Variants in ACTN4 observed in about 807,000 individuals in gnomAD.
ACTN4 encodes the protein actinin alpha 4.
In ACTN4, 18 loss-of-function variants were observed where a neutral mutation model predicts 114.2. That is an observed-to-expected ratio of 0.16 (90% CI 0.11 to 0.23). The LOEUF (loss-of-function observed/expected upper bound fraction) is 0.23, where lower values mean the gene tolerates loss of function less well. Ranked by LOEUF, ACTN4 falls within the 10% of genes least tolerant of loss-of-function variation. The pLI, the probability that ACTN4 is intolerant of heterozygous loss-of-function variation, is 1.00. For missense variants in ACTN4, 722 were observed against 1,262.9 expected (o/e 0.57, Z 6.49); for synonymous variants, 515 against 506.3 (o/e 1.02, Z -0.23).
intron 1 of ACTN4, among the ~76,000 whole-genome samples, chr19:38,664,815 T>C (rs1966906449): frequency 6.6e-6 from 1 of 152,072 alleles, no homozygotes; most frequent in Non-Finnish European, 1.5e-5. Context: ...GCATAGATGA[T>C]AAGGAGGTGG....
Position 38,717,428 on chromosome 19 carries a change from GACATGGC to G in ACTN4, c.1143+114_1143+120del, listed in dbSNP as rs1968879022. 1 of 1,404,076 alleles carries G rather than the reference GACATGGC, an allele frequency of 7.1e-7. No homozygotes were observed. The highest frequency in any genetic ancestry group is 9.7e-7 in the Non-Finnish European group (1 of 1,026,104). 87.0% of individuals were successfully genotyped at this position (1,404,076 alleles called of 1,614,324 possible). A position where few individuals can be genotyped will look rare whatever the true frequency, so the allele number is the denominator to read the frequency against. The stretch of plus-strand genomic sequence containing the variant: ...TTCCTAAGTTGTTGATGTCCTGTGG[GACATGGC>G]ATGGCCTTTCGGATGCAGTGGTCGG... On this transcript the variant is annotated intron_variant, in intron 10 of 20. Transcript: ENST00000252699. The surrounding 1 kb of genome is among the most constrained non-coding windows in gnomAD (Gnocchi z 4.0).
intron 2 of ACTN4, 136 bp from the exon 3 acceptor site, chr19:38,700,866 C>T (rs1266127395): frequency 7.1e-7 from 1 of 1,417,348 alleles, no homozygotes; most frequent in African/African-American, 1.4e-5. Context: ...TGGGTGGGGC[C>T]AGAGTGGCCT....
At chr19:38,656,950 T>C (rs954800669) in intron 1 of ACTN4, among the ~76,000 whole-genome samples, 1 of 152,152 alleles carries the variant, frequency 6.6e-6, no homozygotes, top group African/African-American at 2.4e-5. Context: ...GTGTTTTCCA[T>C]GTCTGAAGGG....
Position 38,724,306 on chromosome 19 carries a change from C to T in ACTN4, c.1842C>T (p.Val614=). The change falls in exon 15 of 21, where the codon GTC becomes GTT. Residue 614 remains valine, a synonymous_variant. Transcript: ENST00000252699. This position sits in a 1 kb window ranked among gnomAD's most constrained non-coding sequence, Gnocchi z 7.0. ...CGGGCAGCAACCCCTACACCACCGTCACCCCGCAAATCATCAACTCCAAGT... is the reference window on the plus strand; with the variant it reads ...CGGGCAGCAACCCCTACACCACCGTTACCCCGCAAATCATCAACTCCAAGT... ...KLSGSNPYTT[V]TPQIINSKWE... 6.2e-7 allele frequency: 1 copy of T among 1,613,842 alleles called. No individual in the cohort carries two copies. The highest frequency in any genetic ancestry group is 8.5e-7 in the Non-Finnish European group (1 of 1,180,022).
intron 1 of ACTN4, among the ~76,000 whole-genome samples, chr19:38,692,042 G>A (rs1012484793): frequency 3.9e-5 from 6 of 152,160 alleles, no homozygotes; most frequent in Admixed American, 2.0e-4. Context: ...GGGTGGACAC[G>A]CAGGACCTTT....
In ACTN4 at chr19:38,709,484, ATCTCT is replaced by A. The variant is rs777391225; in HGVS notation, c.733+12_733+16del. 14 of 1,611,360 alleles carry A rather than the reference ATCTCT, an allele frequency of 8.7e-6. No homozygotes were observed. The highest frequency in any genetic ancestry group is 1.3e-5 in the African/African-American group (1 of 74,884). On this transcript the variant is annotated intron_variant, in intron 7 of 20. Transcript: ENST00000252699. ...AGATGCTGGATGCAGAGGGTAAGTC[ATCTCT>A]TCTGTTCAGCCACCACTGTGCTTCC... is the stretch of plus-strand genomic sequence containing the variant.
At chr19:38,675,396 CT>C (rs1427298526) in intron 1 of ACTN4, among the ~76,000 whole-genome samples, 2 of 151,908 alleles carry the variant, frequency 1.3e-5, no homozygotes, top group African/African-American at 2.4e-5. Flanking sequence ...ATTCTCCTGC[CT>C]TATTTTTTGA....
rs35906770 is a variant in ACTN4, at chr19:38,681,129, G to GAAAAAAA, written c.163-19453_163-19447dup. Among the ~76,000 whole-genome samples, 3 of 69,272 alleles carry GAAAAAAA rather than the reference G, an allele frequency of 4.3e-5. 1 individual carries two copies. The highest frequency in any genetic ancestry group is 2.5e-5 in the Non-Finnish European group (1 of 40,120). The allele number at this position is 69,272 out of a possible 152,430, so 45.4% of individuals were successfully genotyped here. The stretch of plus-strand genomic sequence containing the variant: ...TGACAGAGTGAGACTCCAATCTCTA[G>GAAAAAAA]AAAAAAAAAAAAAAAAAAAAAAAAG... On this transcript the variant is annotated intron_variant, in intron 1 of 20. Coordinates refer to ENST00000252699, the MANE Select transcript of ACTN4 (RefSeq NM_004924.6).
intron 1 of ACTN4, among the ~76,000 whole-genome samples, chr19:38,699,295 G>T (rs951051999): frequency 1.3e-5 from 2 of 152,314 alleles, no homozygotes; most frequent in Admixed American, 6.5e-5. Context: ...TGTCAGCATC[G>T]TTGGTCTGTT....
At chr19:38,668,369 C>G (rs555221494) in intron 1 of ACTN4, among the ~76,000 whole-genome samples, 1 of 152,320 alleles carries the variant, frequency 6.6e-6, no homozygotes, top group Admixed American at 6.5e-5. Flanking sequence ...AGAAAACCAA[C>G]CCAACCCTGT....
chr19:38,709,220 G>C (rs1164195455), intron 6 of ACTN4, among the ~76,000 whole-genome samples, 175 bp from the exon 7 acceptor site: 1 of 152,186 alleles, frequency 6.6e-6, no homozygotes, highest in Non-Finnish European at 1.5e-5. Flanking sequence ...AGTGGGAATT[G>C]AATTTATCCA....
chr19:38,659,522 C>T (rs1976816291), intron 1 of ACTN4, among the ~76,000 whole-genome samples: 1 of 152,124 alleles, frequency 6.6e-6, no homozygotes, highest in East Asian at 1.9e-4. Context: ...AGAAACACCT[C>T]AGAGATTCAC....
rs763198003 is a variant in ACTN4 at position 38,721,527 on chromosome 19, G to A, written c.1292-11G>A. On this transcript the variant is annotated splice_polypyrimidine_tract_variant and intron_variant, in intron 11 of 20. Coordinates refer to ENST00000252699, the MANE Select transcript of ACTN4 (RefSeq NM_004924.6). ...CGTGCTGTGGTCTAAGCGTCTCTCT[G>A]CTCCTACCAGGGAAGGAAGCCATGC... 4.3e-6 allele frequency: 7 copies of A among 1,613,530 alleles called. No individual in the cohort carries two copies. Among genetic ancestry groups the A allele is most frequent in the Non-Finnish European group, 5.9e-6 (7 of 1,180,014 alleles).
chr19:38,706,117 G>A lies in ACTN4; in HGVS notation c.558G>A (p.Gln186=). 6.2e-7 allele frequency: 1 copy of A among 1,614,076 alleles called. No homozygotes were observed. Among genetic ancestry groups the A allele is most frequent in the African/African-American group, 1.3e-5 (1 of 75,050 alleles). ...CCCCGTATAAGAACGTCAATGTGCA[G>A]AACTTCCACATCAGGTAAGCGCCAG... ...KTAPYKNVNV[Q]NFHISWKDGL... The change falls in exon 5 of 21, where the codon CAG becomes CAA. Residue 186 remains glutamine (Q), a synonymous_variant. Coordinates refer to ENST00000252699, the MANE Select transcript of ACTN4 (RefSeq NM_004924.6).
chr19:38,657,409 C>T (rs142340347), intron 1 of ACTN4, among the ~76,000 whole-genome samples: 2,150 of 152,282 alleles, frequency 0.014, 58 homozygotes, highest in African/African-American at 0.048. Context: ...CAACAAAGTG[C>T]TGGGGTTACA....
chr19:38,653,084 T>TG (rs1976615102), intron 1 of ACTN4, among the ~76,000 whole-genome samples: 1 of 69,808 alleles, frequency 1.4e-5, no homozygotes, highest in African/African-American at 3.9e-5. Flanking sequence ...AGACTCCATC[T>TG]CAAAAAAAAA....
Position 38,647,927 on chromosome 19 carries a change from G to T in ACTN4, c.162+20G>T. 23 of 1,472,950 alleles carry T rather than the reference G, an allele frequency of 1.6e-5. No individual in the cohort carries two copies. Among genetic ancestry groups the T allele is most frequent in the Non-Finnish European group, 2.1e-5 (23 of 1,110,262 alleles). The allele number at this position is 1,472,950 out of a possible 1,614,324, so 91.2% of individuals were successfully genotyped here. On this transcript the variant is annotated intron_variant, in intron 1 of 20. Transcript: ENST00000252699. ...CGCAAGGTGCGCGGCCCGCGGGCCG[G>T]ACGGGCTGGAGGGGCTTTTCTGAGG...
intron 1 of ACTN4, among the ~76,000 whole-genome samples, chr19:38,698,859 GA>G (rs1202948760): frequency 6.6e-6 from 1 of 152,220 alleles, no homozygotes; most frequent in East Asian, 1.9e-4. Context: ...CTTTGTCTGG[GA>G]GGGGGCTTTG....
At chr19:38,694,408 C>G (rs1252012925) in intron 1 of ACTN4, among the ~76,000 whole-genome samples, 2 of 151,982 alleles carry the variant, frequency 1.3e-5, no homozygotes, top group African/African-American at 4.8e-5. Context: ...TATAGGAGCC[C>G]GCCACCACGC....
Sources: gnomAD v4.1 joint callset for allele counts (sites outside exome capture counted in the v4.1 genomes callset) on GRCh38, gnomAD v4.1.1 for gene constraint, Gnocchi (gnomAD v3.1) non-coding constraint, MANE v1.5 for transcripts, NCBI Gene and HGNC (gene_info 2026-07-23, HGNC 2026-07-21) for gene names.